The following ZEB1 variants were observed in gnomAD, a reference collection of about 807,000 sequenced individuals.
ZEB1 encodes the protein zinc finger E-box binding homeobox 1, also known as zinc finger E-box-binding homeobox 1.
A neutral mutation model predicts 84.9 loss-of-function variants in ZEB1; 21 were observed. The observed-to-expected ratio is 0.25, with a 90% CI of 0.18 to 0.36. The LOEUF is 0.36. Among genes scored for constraint, ZEB1 ranks in the 10% least tolerant of loss-of-function variants. The pLI, the probability that ZEB1 is intolerant of heterozygous loss-of-function variation, is 1.00. For missense variants in ZEB1, 1,104 were observed against 1,330.2 expected (o/e 0.83, Z 2.65); for synonymous variants, 420 against 471.1 (o/e 0.89, Z 1.41).
intron 1 of ZEB1, among the ~76,000 whole-genome samples, chr10:31,437,144 G>A (rs1327582364): frequency 6.6e-6 from 1 of 152,060 alleles, no homozygotes; most frequent in East Asian, 1.9e-4. Flanking sequence ...CATTAGCAAG[G>A]CATAAAAGAG....
intron 2 of ZEB1, among the ~76,000 whole-genome samples, chr10:31,469,376 A>T (rs2062869896): frequency 6.6e-6 from 1 of 152,216 alleles, no homozygotes; most frequent in African/African-American, 2.4e-5. Context: ...GAGCCGAAGC[A>T]GGGTGAGGCA....
chr10:31,404,561 CAT>C (rs1267176611), intron 1 of ZEB1, among the ~76,000 whole-genome samples: 1 of 152,090 alleles, frequency 6.6e-6, no homozygotes, highest in African/African-American at 2.4e-5. Flanking sequence ...CTTATTTTGA[CAT>C]AGTAATCACT....
chr10:31,463,017 C>A (rs2061987189), intron 2 of ZEB1, among the ~76,000 whole-genome samples: 1 of 152,156 alleles, frequency 6.6e-6, no homozygotes, highest in Non-Finnish European at 1.5e-5. Context: ...GACTTGCTCA[C>A]TTATGGCAGC....
At chr10:31,387,420 G>A (rs1308209870) in intron 1 of ZEB1, among the ~76,000 whole-genome samples, 1 of 152,154 alleles carries the variant, frequency 6.6e-6, no homozygotes, top group Non-Finnish European at 1.5e-5. Context: ...ATCAAGAGGT[G>A]CTTTTCGTTA....
intron 1 of ZEB1, among the ~76,000 whole-genome samples, chr10:31,443,464 A>G (rs1465298706): frequency 1.3e-5 from 2 of 150,692 alleles, no homozygotes; most frequent in African/African-American, 4.9e-5. Flanking sequence ...CACATTGTGC[A>G]GGTTAGTTAC....
intron 1 of ZEB1, among the ~76,000 whole-genome samples, chr10:31,455,836 G>T (rs867739713): frequency 5.3e-5 from 8 of 152,164 alleles, no homozygotes; most frequent in African/African-American, 1.7e-4. Flanking sequence ...AACCATTGTG[G>T]AAGACAATGT....
At chr10:31,407,392 A>C (rs2053315525) in intron 1 of ZEB1, among the ~76,000 whole-genome samples, 2 of 151,680 alleles carry the variant, frequency 1.3e-5, no homozygotes, top group African/African-American at 2.4e-5. Flanking sequence ...GATGATTTCC[A>C]ATTTCATCCA....
intron 2 of ZEB1, among the ~76,000 whole-genome samples, chr10:31,493,876 T>G (rs1025063146): frequency 2.6e-5 from 4 of 152,038 alleles, no homozygotes; most frequent in Admixed American, 2.0e-4. Context: ...TGTTAAATAC[T>G]CATCTAAAGA....
At chr10:31,356,343 A>C (rs989161785) in intron 1 of ZEB1, among the ~76,000 whole-genome samples, 2 of 140,556 alleles carry the variant, frequency 1.4e-5, no homozygotes, top group Non-Finnish European at 3.0e-5. Flanking sequence ...TTTTGGACAT[A>C]TATGATGTGT....
At position 31,521,722 on chromosome 10, in the gene ZEB1, G is replaced by C; in HGVS notation, c.2390G>C (p.Ser797Thr). The C allele has an allele frequency of 1.2e-6, 2 of 1,614,114 alleles. No individual in the cohort carries two copies. The highest frequency in any genetic ancestry group is 1.7e-6 in the Non-Finnish European group (2 of 1,180,016). Reference protein sequence around the residue: ...SEPVVNVIPPSANPINIAIPT... With the variant: ...SEPVVNVIPPTANPINIAIPT... ...CCAGTTGTAAATGTAATCCCACCAA[G>C]TGCCAACCCCATAAATATCGCTATA... Residue 797 changes from serine to threonine, a missense_variant, in exon 7 of 9, where the codon AGT (serine) becomes ACT (threonine). Ser to Thr is a moderately conservative substitution (Grantham distance 58, BLOSUM62 1). Coordinates refer to ENST00000424869, the MANE Select transcript of ZEB1 (RefSeq NM_001174096.2).
chr10:31,466,672 A>G (rs2062468788), intron 2 of ZEB1, among the ~76,000 whole-genome samples: 1 of 152,230 alleles, frequency 6.6e-6, no homozygotes, highest in African/African-American at 2.4e-5. Flanking sequence ...GATCTTAAAT[A>G]AACAACTTAA....
At chr10:31,378,141 T>C (rs554752702) in intron 1 of ZEB1, among the ~76,000 whole-genome samples, 1 of 151,414 alleles carries the variant, frequency 6.6e-6, no homozygotes, top group East Asian at 1.9e-4. Flanking sequence ...CACGTCTGCT[T>C]TACCAAATGT....
At chr10:31,441,063 G>C (rs1249600223) in intron 1 of ZEB1, among the ~76,000 whole-genome samples, 2 of 152,062 alleles carry the variant, frequency 1.3e-5, no homozygotes, top group African/African-American at 4.8e-5. Context: ...CTACTTTAAA[G>C]TTCATATGGA....
Position 31,526,744 on chromosome 10 carries a change from G to T in ZEB1, c.2858G>T (p.Arg953Leu). 6.2e-7 allele frequency: 1 copy of T among 1,614,018 alleles called. No individual in the cohort carries two copies. The highest frequency in any genetic ancestry group is 8.5e-7 in the Non-Finnish European group (1 of 1,180,010). The change falls in exon 9 of 9, where the codon CGA becomes CTA. Residue 953 changes from arginine (R) to leucine (L), a missense_variant. Physicochemically the swap from Arg to Leu is moderately radical, Grantham distance 102 (BLOSUM62 -2). This residue lies in a region of ZEB1 where 53 missense variants were observed against 92.5 expected (regional missense o/e 0.57). Coordinates refer to ENST00000424869, the MANE Select transcript of ZEB1 (RefSeq NM_001174096.2). ...KHKHHLIEHMRLHSGEKPYQC... is the reference protein window; with the variant it reads ...KHKHHLIEHMLLHSGEKPYQC... The stretch of plus-strand genomic sequence containing the variant: ...AAACATCATTTGATTGAACACATGC[G>T]ATTACATTCTGGAGAAAAGCCCTAT...
chr10:31,339,214 C>T (rs898952709), intron 1 of ZEB1, among the ~76,000 whole-genome samples: 1 of 152,166 alleles, frequency 6.6e-6, no homozygotes, highest in African/African-American at 2.4e-5. Context: ...CTAAGAATTT[C>T]AGCTTCTCTT....
intron 1 of ZEB1, among the ~76,000 whole-genome samples, chr10:31,452,742 T>TGTGTGTGTGTGTGAGAGA (rs1387786622): frequency 4.4e-5 from 4 of 90,734 alleles, no homozygotes; most frequent in Admixed American, 1.2e-4. Flanking sequence ...TGTGTGTGTG[T>TGTGTGTGTGTGTGAGAGA]GAGAGAGAGA....
rs116159832 is a variant in ZEB1, at chr10:31,361,881, G to A, written c.58+42589G>A. On this transcript the variant is annotated intron_variant, in intron 1 of 8. Transcript: ENST00000424869. ...GCACTCCTCGCTTCGCAGACGGGAC[G>A]GCGGCAAGGCAGGGGCACTCCTCAT... is the stretch of plus-strand genomic sequence containing the variant. Among the ~76,000 whole-genome samples the A allele has an allele frequency of 4.4e-3, 660 of 148,926 alleles. 12 individuals carry two copies. The highest frequency in any genetic ancestry group is 0.016 in the African/African-American group (629 of 40,012).
At chr10:31,327,128 G>GT (rs1401349565) in intron 1 of ZEB1, among the ~76,000 whole-genome samples, 1 of 85,918 alleles carries the variant, frequency 1.2e-5, no homozygotes, top group Non-Finnish European at 2.0e-5. Flanking sequence ...TTTTGAGACA[G>GT]TTTGACAGTT....
chr10:31,464,622 C>A (rs953803855), intron 2 of ZEB1, among the ~76,000 whole-genome samples: 1 of 152,104 alleles, frequency 6.6e-6, no homozygotes, highest in Non-Finnish European at 1.5e-5. Flanking sequence ...TATGAAAAGT[C>A]AACGACAGTT....
Sources: allele counts gnomAD v4.1 joint callset (sites outside exome capture counted in the v4.1 genomes callset), GRCh38; gene constraint gnomAD v4.1.1; regional missense constraint gnomAD v4.1.1; transcripts MANE v1.5; gene names NCBI Gene and HGNC (gene_info 2026-07-23, HGNC 2026-07-21).